Variants in VAT1L observed in about 807,000 individuals in gnomAD.
VAT1L encodes the protein vesicle amine transport 1 like.
VAT1L carries 34 observed loss-of-function variants against 44.1 expected under a neutral mutation model. That is an observed-to-expected ratio of 0.77 (90% CI 0.59 to 1.03). The LOEUF is 1.03. Ranked by LOEUF, VAT1L falls within the 50% of genes least tolerant of loss-of-function variation. The pLI is 0.00. For synonymous variants in VAT1L, 253 were observed against 202.2 expected (o/e 1.25, Z -2.13); for missense variants, 615 against 538.8 (o/e 1.14, Z -1.40).
intron 3 of VAT1L, among the ~76,000 whole-genome samples, chr16:77,826,758 TATTA>T (rs1313834117): frequency 6.6e-6 from 1 of 152,202 alleles, no homozygotes; most frequent in Non-Finnish European, 1.5e-5. Flanking sequence ...GTTCAAAACA[TATTA>T]ATTAAACACA....
chr16:77,974,330 C>T (rs2142547510), intron 8 of VAT1L, among the ~76,000 whole-genome samples: 1 of 152,222 alleles, frequency 6.6e-6, no homozygotes, highest in Admixed American at 6.5e-5. Context: ...GGCTCTAGGC[C>T]CATCCTGGAA....
At chr16:77,926,552 C>T (rs535253019) in intron 7 of VAT1L, among the ~76,000 whole-genome samples, 6 of 152,238 alleles carry the variant, frequency 3.9e-5, no homozygotes, top group African/African-American at 9.6e-5. Flanking sequence ...CCATGCACTC[C>T]AGCCTGGGTG....
chr16:77,818,531 G>C (rs2016394294), intron 2 of VAT1L, among the ~76,000 whole-genome samples: 1 of 152,138 alleles, frequency 6.6e-6, no homozygotes, highest in South Asian at 2.1e-4. Context: ...GGTCCCCAAA[G>C]AAAAGATCAT....
chr16:77,838,361 C>T (rs746362332), intron 3 of VAT1L, among the ~76,000 whole-genome samples: 5 of 152,182 alleles, frequency 3.3e-5, no homozygotes, highest in Non-Finnish European at 7.3e-5. Context: ...GCCTTTGAGG[C>T]GCGTGGTCTC....
chr16:77,866,410 C>T (rs544286701), intron 4 of VAT1L, among the ~76,000 whole-genome samples: 1 of 151,976 alleles, frequency 6.6e-6, no homozygotes, highest in African/African-American at 2.4e-5. Context: ...CATGGTAGCA[C>T]ATTGCGTGAA....
intron 7 of VAT1L, among the ~76,000 whole-genome samples, chr16:77,970,677 C>G (rs897523626): frequency 6.6e-6 from 1 of 152,146 alleles, no homozygotes; most frequent in Non-Finnish European, 1.5e-5. Context: ...AATTGAGTAT[C>G]TTTTGTGTAA....
rs1173514711 is a variant in VAT1L at position 77,884,035 on chromosome 16, C to T, written c.883-573C>T. ...CGGAGCTGATGATCCTGACCATGTA[C>T]TTAATATTTCAACTACATGTGGCCA... On this transcript the variant is annotated intron_variant, in intron 6 of 8. Coordinates refer to ENST00000302536, the MANE Select transcript of VAT1L (RefSeq NM_020927.3). This position sits in a 1 kb window ranked among gnomAD's most constrained non-coding sequence, Gnocchi z 4.5. Among the ~76,000 whole-genome samples, 1 of 152,184 alleles carries T rather than the reference C, an allele frequency of 6.6e-6. No homozygotes were observed. The highest frequency in any genetic ancestry group is 6.5e-5 in the Admixed American group (1 of 15,286).
At chr16:77,960,711 A>C (rs1421653448) in intron 7 of VAT1L, among the ~76,000 whole-genome samples, 1 of 152,150 alleles carries the variant, frequency 6.6e-6, no homozygotes, top group Non-Finnish European at 1.5e-5. Context: ...AGAATGGAAG[A>C]GTGGAGGAAC....
At chr16:77,828,040 C>T (rs2016542623) in intron 3 of VAT1L, among the ~76,000 whole-genome samples, 1 of 152,118 alleles carries the variant, frequency 6.6e-6, no homozygotes, top group South Asian at 2.1e-4. Flanking sequence ...CTTTGAATAG[C>T]GTTCTCTGAA....
At chr16:77,828,304 C>T (rs760358167) in intron 3 of VAT1L, among the ~76,000 whole-genome samples, 31 of 152,186 alleles carry the variant, frequency 2.0e-4, no homozygotes, top group Non-Finnish European at 3.2e-4. Flanking sequence ...AAAGTAAGGA[C>T]GTTGAGATAG....
chr16:77,956,686 C>G (rs941520947), intron 7 of VAT1L, among the ~76,000 whole-genome samples: 9 of 152,164 alleles, frequency 5.9e-5, no homozygotes, highest in Non-Finnish European at 1.3e-4. Context: ...CCTATCCTTC[C>G]TCGTGGGAGG....
intron 7 of VAT1L, among the ~76,000 whole-genome samples, chr16:77,945,122 C>A (rs2017943753): frequency 6.6e-6 from 1 of 152,046 alleles, no homozygotes; most frequent in Non-Finnish European, 1.5e-5. Context: ...ATTTCAGAAC[C>A]ATCCAGAAGC....
intron 7 of VAT1L, among the ~76,000 whole-genome samples, chr16:77,909,057 A>C (rs1272326206): frequency 2.6e-5 from 4 of 152,212 alleles, no homozygotes; most frequent in Non-Finnish European, 5.9e-5. Context: ...TTGAGCATTG[A>C]CCATGTACTG....
intron 6 of VAT1L, among the ~76,000 whole-genome samples, chr16:77,882,827 A>G (rs2017169099): frequency 6.6e-6 from 1 of 152,190 alleles, no homozygotes; most frequent in African/African-American, 2.4e-5. Context: ...ATAGAATAGA[A>G]TTTTGGATGT....
At chr16:77,945,785 T>G (rs765864477) in intron 7 of VAT1L, among the ~76,000 whole-genome samples, 17 of 150,214 alleles carry the variant, frequency 1.1e-4, no homozygotes, top group Non-Finnish European at 1.0e-4. Flanking sequence ...TTTGTTTTCT[T>G]TAGTGGCTTG....
At chr16:77,831,475 G>A (rs2016577218) in intron 3 of VAT1L, among the ~76,000 whole-genome samples, 1 of 152,162 alleles carries the variant, frequency 6.6e-6, no homozygotes, top group Non-Finnish European at 1.5e-5. Context: ...TACTCCCTGA[G>A]ATGATGAGAA....
intron 7 of VAT1L, among the ~76,000 whole-genome samples, chr16:77,944,247 G>A (rs1293228368): frequency 6.6e-6 from 1 of 152,104 alleles, no homozygotes; most frequent in Non-Finnish European, 1.5e-5. Context: ...CTGCTCTAAG[G>A]ATTAAGTGAG....
chr16:77,901,630 A>C (rs1429252491), intron 7 of VAT1L, among the ~76,000 whole-genome samples: 1 of 152,154 alleles, frequency 6.6e-6, no homozygotes, highest in Admixed American at 6.5e-5. Context: ...ATGTGGTTCT[A>C]ACTCCCAGGT....
Position 77,805,580 on chromosome 16 carries a change from C to G in VAT1L, c.234-11341C>G, listed in dbSNP as rs1405654603. ...TTACTGCGTCTGCTTGGCACAAAGCCTCGCACGAGGTCTGCTTGCTTCTGC... is the reference window on the plus strand; with the variant it reads ...TTACTGCGTCTGCTTGGCACAAAGCGTCGCACGAGGTCTGCTTGCTTCTGC... On this transcript the variant is annotated intron_variant, in intron 1 of 8. Transcript: ENST00000302536. Among the ~76,000 whole-genome samples, 3 of 102,094 alleles carry G rather than the reference C, an allele frequency of 2.9e-5. No homozygotes were observed. The East Asian group carries it at 6.6e-4, about 23-fold the overall frequency. 67.0% of individuals were successfully genotyped at this position (102,094 alleles called of 152,430 possible). A position where few individuals can be genotyped will look rare whatever the true frequency, so the allele number is the denominator to read the frequency against.
Sources: allele counts gnomAD v4.1 joint callset (sites outside exome capture counted in the v4.1 genomes callset), GRCh38; gene constraint gnomAD v4.1.1; non-coding constraint Gnocchi (gnomAD v3.1); transcripts MANE v1.5; gene names NCBI Gene and HGNC (gene_info 2026-07-23, HGNC 2026-07-21).